The following TANK variants were observed in gnomAD, a reference collection of about 807,000 sequenced individuals.
The protein encoded by TANK is TRAF family member associated NFKB activator.
A neutral mutation model predicts 43.6 loss-of-function variants in TANK; 15 were observed. The ratio of observed to expected loss-of-function variants is 0.34; its 90% confidence interval spans 0.23 to 0.53. The LOEUF (loss-of-function observed/expected upper bound fraction) is 0.53. Among genes scored for constraint, TANK ranks in the 20% least tolerant of loss-of-function variants. The pLI is 0.94. For synonymous variants in TANK, 162 were observed against 178.2 expected (o/e 0.91, Z 0.73); for missense variants, 417 against 498.6 (o/e 0.84, Z 1.56).
intron 4 of TANK, among the ~76,000 whole-genome samples, chr2:161,217,304 C>T (rs946657566): frequency 2.6e-5 from 4 of 152,178 alleles, no homozygotes; most frequent in African/African-American, 9.7e-5. Flanking sequence ...TGAATTTAAA[C>T]TCAGAATTTA....
At chr2:161,161,088 G>A in intron 1 of TANK, 1 of 923,062 alleles carries the variant, frequency 1.1e-6, no homozygotes, top group Non-Finnish European at 1.6e-6. Flanking sequence ...CGCCCACAGT[G>A]GGAACCCAGG....
At chr2:161,204,891 A>G in intron 4 of TANK, 98 bp downstream of exon 4, 2 of 1,534,636 alleles carry the variant, frequency 1.3e-6, no homozygotes, top group Non-Finnish European at 1.7e-6. Flanking sequence ...AATTCCAAAC[A>G]GAAGTTCCAT....
intron 1 of TANK, chr2:161,160,715 G>A (rs1468519441): frequency 1.0e-5 from 5 of 498,098 alleles, no homozygotes; most frequent in Non-Finnish European, 1.9e-5. Flanking sequence ...TTCCGGGCCC[G>A]CGATGTCAGC....
intron 4 of TANK, among the ~76,000 whole-genome samples, chr2:161,214,277 CA>C (rs1329686189): frequency 6.6e-6 from 1 of 152,018 alleles, no homozygotes; most frequent in Non-Finnish European, 1.5e-5. Context: ...TTCTTTCAAG[CA>C]AAAATGGCAT....
chr2:161,231,024 G>C lies in TANK; in HGVS notation c.574G>C (p.Ala192Pro), dbSNP rs1687885906. The change falls in exon 7 of 8, where the codon GCG becomes CCG. Residue 192 changes from alanine to proline, a missense_variant. Ala to Pro is a conservative substitution (Grantham distance 27). Transcript: ENST00000392749. ...TACGGATAAAACAGATAAACAAGAA[G>C]CGCTGTTTAAGCCTCAGGCTAAAGA... is the stretch of plus-strand genomic sequence containing the variant. ...QCTDKTDKQE[A>P]LFKPQAKDDI... is the part of the protein sequence containing the mutation. The C allele has an allele frequency of 1.2e-6, 2 of 1,614,098 alleles. No individual in the cohort carries two copies. Among genetic ancestry groups the C allele is most frequent in the East Asian group, 2.2e-5 (1 of 44,874 alleles).
At chr2:161,160,926 G>A (rs912871650) in intron 1 of TANK, 5 of 421,594 alleles carry the variant, frequency 1.2e-5, no homozygotes, top group African/African-American at 8.0e-5. Context: ...AACTTAATTG[G>A]TTCTTTCTGT....
chr2:161,147,057 A>G (rs1201159244), intron 1 of TANK, among the ~76,000 whole-genome samples: 3 of 152,086 alleles, frequency 2.0e-5, no homozygotes, highest in Admixed American at 1.3e-4. Context: ...GCCCCGCCCA[A>G]TAAGGAGGGA....
upstream of TANK, chr2:161,155,989 T>G (rs1394580325): frequency 1.1e-6 from 1 of 920,916 alleles, no homozygotes; most frequent in African/African-American, 1.8e-5. Context: ...CATTTAATAT[T>G]GAAATTTTTA....
rs573218247 is a variant in TANK at position 161,235,463 on chromosome 2, C to G, written c.1223C>G (p.Thr408Arg). The stretch of plus-strand genomic sequence containing the variant: ...CAAGCAGTTTTCCCACCATCCATTA[C>G]ATCCAGGGGGGATTTCCTTCGGCAT... Reference protein sequence around the residue: ...FCQAVFPPSITSRGDFLRHLN... With the variant: ...FCQAVFPPSIRSRGDFLRHLN... The change falls in exon 8 of 8, where the codon ACA (threonine) becomes AGA (arginine). Residue 408 changes from threonine (T) to arginine (R), a missense_variant. Physicochemically the swap from Thr to Arg is moderately conservative, Grantham distance 71. Transcript: ENST00000392749. The G allele has an allele frequency of 6.2e-7, 1 of 1,613,988 alleles. No individual in the cohort carries two copies. Among genetic ancestry groups the G allele is most frequent in the South Asian group, 1.1e-5 (1 of 91,074 alleles).
intron 1 of TANK, among the ~76,000 whole-genome samples, chr2:161,172,526 C>T (rs1196885234): frequency 6.6e-6 from 1 of 151,954 alleles, no homozygotes; most frequent in African/African-American, 2.4e-5. Flanking sequence ...ATGCTTTCTT[C>T]CTCTTTATTA....
At chr2:161,143,844 G>A (rs1683823696) in intron 1 of TANK, among the ~76,000 whole-genome samples, 1 of 152,120 alleles carries the variant, frequency 6.6e-6, no homozygotes, top group Non-Finnish European at 1.5e-5. Context: ...GAGTTAGGGA[G>A]GAGTCCCTCC....
intron 6 of TANK, among the ~76,000 whole-genome samples, chr2:161,229,865 T>G (rs893014116): frequency 6.6e-6 from 1 of 152,210 alleles, no homozygotes; most frequent in Non-Finnish European, 1.5e-5. Context: ...CAGTGCCTTC[T>G]TTAAGGGACA....
At chr2:161,177,230 C>T (rs1370827528) in intron 1 of TANK, among the ~76,000 whole-genome samples, 1 of 152,054 alleles carries the variant, frequency 6.6e-6, no homozygotes, top group Non-Finnish European at 1.5e-5. Flanking sequence ...TAAAGAATTG[C>T]CATTTCTTCA....
chr2:161,160,536 C>A, intron 1 of TANK, 50 bp downstream of exon 1: 1 of 1,269,228 alleles, frequency 7.9e-7, no homozygotes, highest in South Asian at 2.6e-5. Context: ...TCAAGCACGA[C>A]GTCGGAGAAT....
rs1559012479 is a variant in TANK, at chr2:161,231,516, G to GCTT, written c.1066_1067insCTT (p.Asp356delinsAlaTyr). 1 of 1,612,738 alleles carries GCTT rather than the reference G, an allele frequency of 6.2e-7. No individual in the cohort carries two copies. The highest frequency in any genetic ancestry group is 8.5e-7 in the Non-Finnish European group (1 of 1,179,968). On this transcript the variant is annotated protein_altering_variant, in exon 7 of 8. Transcript: ENST00000392749. Reference sequence around the variant, plus strand: ...ATCTGATGCACCTTTTCCCTCACTCGATTCCCCGGGAAAAGCAATCCGAGG... The same window carrying GCTT: ...ATCTGATGCACCTTTTCCCTCACTCGCTTATTCCCCGGGAAAAGCAATCCGAGG...
chr2:161,169,687 A>G (rs1684856736), intron 1 of TANK, among the ~76,000 whole-genome samples: 1 of 152,182 alleles, frequency 6.6e-6, no homozygotes, highest in African/African-American at 2.4e-5. Flanking sequence ...GAACTACACA[A>G]CTCATTAAGA....
intron 1 of TANK, among the ~76,000 whole-genome samples, chr2:161,139,340 A>C (rs994621265): frequency 4.6e-5 from 7 of 152,166 alleles, no homozygotes; most frequent in African/African-American, 1.7e-4. Flanking sequence ...AAACCAAATA[A>C]TTGCCAAGTA....
intron 2 of TANK, among the ~76,000 whole-genome samples, chr2:161,183,164 C>T (rs1685506168): frequency 6.6e-6 from 1 of 152,174 alleles, no homozygotes; most frequent in Admixed American, 6.5e-5. Flanking sequence ...TCATTCATAA[C>T]TCCCTCCATT....
chr2:161,221,598 A>G (rs1449442994), intron 4 of TANK, among the ~76,000 whole-genome samples: 2 of 152,080 alleles, frequency 1.3e-5, no homozygotes, highest in African/African-American at 4.8e-5. Flanking sequence ...GGAAAATAGC[A>G]TTAACATGTT....
Sources: gnomAD v4.1 joint callset for allele counts (sites outside exome capture counted in the v4.1 genomes callset) on GRCh38, gnomAD v4.1.1 for gene constraint, MANE v1.5 for transcripts, NCBI Gene and HGNC (gene_info 2026-07-23, HGNC 2026-07-21) for gene names.